The following FKBP8 variants were observed in gnomAD, a reference collection of about 807,000 sequenced individuals.
FKBP8 encodes the protein peptidyl-prolyl cis-trans isomerase FKBP8.
In FKBP8, 5 loss-of-function variants were observed where a neutral mutation model predicts 41.7. The observed-to-expected ratio is 0.12, with a 90% CI of 0.06 to 0.25. The LOEUF is 0.25. Ranked by LOEUF, FKBP8 falls within the 10% of genes least tolerant of loss-of-function variation. The pLI, the probability that FKBP8 is intolerant of heterozygous loss-of-function variation, is 1.00. For synonymous variants in FKBP8, 279 were observed against 254.5 expected (o/e 1.10, Z -0.92); for missense variants, 397 against 563.0 (o/e 0.71, Z 2.98).
At position 18,533,354 on chromosome 19, in the gene FKBP8, G is replaced by A. The variant is rs375205599; in HGVS notation, c.946-7C>T. On this transcript the variant is annotated splice_polypyrimidine_tract_variant and splice_region_variant and intron_variant, in intron 6 of 8. Transcript: ENST00000608443. ...CCCCCTGCTGGGCCAGCACCTGTAA[G>A]GGGAAGGGGGTGGCATCACTCTGGA... 8 of 1,598,118 alleles carry A rather than the reference G, an allele frequency of 5.0e-6. No homozygotes were observed. Among genetic ancestry groups the A allele is most frequent in the Non-Finnish European group, 6.8e-6 (8 of 1,171,626 alleles).
intron 6 of FKBP8, among the ~76,000 whole-genome samples, chr19:18,536,650 T>C (rs1338150099): frequency 6.6e-6 from 1 of 152,198 alleles, no homozygotes; most frequent in South Asian, 2.1e-4. Context: ...GAATGAGCCA[T>C]TGTGCCTGGC....
intron 6 of FKBP8, among the ~76,000 whole-genome samples, chr19:18,534,650 T>A (rs1976529538): frequency 6.6e-6 from 1 of 151,822 alleles, no homozygotes; most frequent in African/African-American, 2.4e-5. Context: ...GGCATGATCA[T>A]AGCTCACTGC....
chr19:18,533,323 T>C lies in FKBP8; in HGVS notation c.970A>G (p.Ser324Gly), dbSNP rs1255115965. 1 of 1,606,634 alleles carries C rather than the reference T, an allele frequency of 6.2e-7. No homozygotes were observed. Among genetic ancestry groups the C allele is most frequent in the Non-Finnish European group, 8.5e-7 (1 of 1,176,776 alleles). The change falls in exon 7 of 9, where the codon AGT becomes GGT. Residue 324 changes from serine (S) to glycine (G), a missense_variant. Physicochemically the swap from Ser to Gly is moderately conservative, Grantham distance 56. Transcript: ENST00000608443. The stretch of plus-strand genomic sequence containing the variant: ...GCCCTCAGGATGGGGATGGCCTCAC[T>C]GTACTCCCCCTGCTGGGCCAGCACC... ...GKVLAQQGEY[S>G]EAIPILRAAL...
At chr19:18,534,686 A>C (rs1361690197) in intron 6 of FKBP8, among the ~76,000 whole-genome samples, 1 of 151,530 alleles carries the variant, frequency 6.6e-6, no homozygotes, top group Non-Finnish European at 1.5e-5. Context: ...GGCTCACACA[A>C]TCCTCCAGCC....
chr19:18,532,583 G>C, intron 8 of FKBP8, 81 bp downstream of exon 8: 3 of 1,559,702 alleles, frequency 1.9e-6, no homozygotes, highest in Non-Finnish European at 2.6e-6. Context: ...AGTCTCCGAG[G>C]ACATCCATGT....
rs904731949 is a variant in FKBP8 at position 18,532,064 on chromosome 19, G to C, written c.*105C>G. On this transcript the variant is annotated 3_prime_UTR_variant, in exon 9 of 9. Transcript: ENST00000608443. ...CCAATCCTTGCTCCCCTAACCCGGA[G>C]GAGGGGGCCAGACCAGGGAGGGCAG... The C allele has an allele frequency of 9.9e-6, 10 of 1,013,312 alleles. No individual in the cohort carries two copies. The African/African-American group carries it at 1.4e-4, about 15-fold the overall frequency. The allele number at this position is 1,013,312 out of a possible 1,614,324, so 62.8% of individuals were successfully genotyped here.
intron 2 of FKBP8, among the ~76,000 whole-genome samples, chr19:18,540,426 C>A (rs938142948): frequency 4.6e-5 from 7 of 151,086 alleles, no homozygotes; most frequent in African/African-American, 1.5e-4. Flanking sequence ...CATAGTGAGA[C>A]CCCATCTCTA....
In FKBP8 at chr19:18,537,547, C is replaced by T. The variant is rs768589916; in HGVS notation, c.945+54G>A. 1.3e-5 allele frequency: 19 copies of T among 1,496,196 alleles called. No homozygotes were observed. Among genetic ancestry groups the T allele is most frequent in the Non-Finnish European group, 1.7e-5 (19 of 1,118,762 alleles). 92.7% of individuals were successfully genotyped at this position (1,496,196 alleles called of 1,614,324 possible). On this transcript the variant is annotated intron_variant, in intron 6 of 8. Coordinates refer to ENST00000608443, the MANE Select transcript of FKBP8 (RefSeq NM_012181.5). This position sits in a 1 kb window ranked among gnomAD's most constrained non-coding sequence, Gnocchi z 4.4. ...CTTTCTCAAATGCAGGGTTGGGGACCACCCCGTATACCCCAGGCTGAGTGA... is the reference window on the plus strand; with the variant it reads ...CTTTCTCAAATGCAGGGTTGGGGACTACCCCGTATACCCCAGGCTGAGTGA...
chr19:18,541,972 C>T lies in FKBP8; in HGVS notation c.-2G>A. On this transcript the variant is annotated 5_prime_UTR_variant, in exon 2 of 9. Coordinates refer to ENST00000608443, the MANE Select transcript of FKBP8 (RefSeq NM_012181.5). ...AGAGGGTTCAGCACACGATGCCATG[C>T]TGCTGGGGGGACAGGAATTGGCCCT... 1 of 1,612,092 alleles carries T rather than the reference C, an allele frequency of 6.2e-7. No homozygotes were observed. The highest frequency in any genetic ancestry group is 2.2e-5 in the East Asian group (1 of 44,816).
chr19:18,542,564 C>T (rs1976729625), intron 1 of FKBP8: 1 of 196,246 alleles, frequency 5.1e-6, no homozygotes, highest in Non-Finnish European at 1.1e-5. Context: ...TCCCCAAAAG[C>T]ACCAACTGTA....
Position 18,539,643 on chromosome 19 carries a change from T to C in FKBP8, c.370A>G (p.Thr124Ala). 6.2e-7 allele frequency: 1 copy of C among 1,612,624 alleles called. No individual in the cohort carries two copies. Among genetic ancestry groups the C allele is most frequent in the Non-Finnish European group, 8.5e-7 (1 of 1,180,026 alleles). ...TCCAGCGACGTCTGCAGATGTACGG[T>C]GACCACCTGGCCCTTGACCGGGCGG... The part of the protein sequence containing the change: ...SSRPVKGQVV[T>A]VHLQTSLENG... Residue 124 changes from threonine to alanine, a missense_variant, in exon 3 of 9, where the codon ACC becomes GCC. Transcript: ENST00000608443.
chr19:18,543,107 A>C (rs1401691812), intron 1 of FKBP8: 6 of 199,050 alleles, frequency 3.0e-5, no homozygotes, highest in African/African-American at 1.1e-4. Flanking sequence ...ATAACACCCC[A>C]CGCTCTCCTG....
chr19:18,541,186 G>A (rs1199700739), intron 2 of FKBP8, among the ~76,000 whole-genome samples: 1 of 152,132 alleles, frequency 6.6e-6, no homozygotes, highest in Non-Finnish European at 1.5e-5. Flanking sequence ...ATTGCTCTGA[G>A]CATTTACAAT....
chr19:18,535,679 G>A (rs559306776), intron 6 of FKBP8, among the ~76,000 whole-genome samples: 28 of 149,360 alleles, frequency 1.9e-4, no homozygotes, highest in Admixed American at 1.7e-3. Flanking sequence ...AGCCAAGATC[G>A]TGCCACTGCA....
At chr19:18,542,400 T>C (rs1976724247) in intron 1 of FKBP8, 1 of 189,336 alleles carries the variant, frequency 5.3e-6, no homozygotes, top group Non-Finnish European at 1.1e-5. Context: ...CTTTGCCTGA[T>C]TATAAGCTGA....
Position 18,533,354 on chromosome 19 carries a change from G to T in FKBP8, c.946-7C>A. The T allele has an allele frequency of 6.3e-7, 1 of 1,598,236 alleles. No individual in the cohort carries two copies. The highest frequency in any genetic ancestry group is 8.5e-7 in the Non-Finnish European group (1 of 1,171,618). Reference sequence around the variant, plus strand: ...CCCCCTGCTGGGCCAGCACCTGTAAGGGGAAGGGGGTGGCATCACTCTGGA... The same window carrying T: ...CCCCCTGCTGGGCCAGCACCTGTAATGGGAAGGGGGTGGCATCACTCTGGA... On this transcript the variant is annotated splice_polypyrimidine_tract_variant and splice_region_variant and intron_variant, in intron 6 of 8. Coordinates refer to ENST00000608443, the MANE Select transcript of FKBP8 (RefSeq NM_012181.5).
At chr19:18,539,315 A>G in intron 4 of FKBP8, 56 bp downstream of exon 4, 1 of 1,467,656 alleles carries the variant, frequency 6.8e-7, no homozygotes, top group Non-Finnish European at 9.4e-7. Flanking sequence ...GGGTACACCC[A>G]CTCCACCCAT....
chr19:18,540,500 G>A (rs1318721191), intron 2 of FKBP8, among the ~76,000 whole-genome samples: 1 of 152,116 alleles, frequency 6.6e-6, no homozygotes, highest in Non-Finnish European at 1.5e-5. Context: ...TTGGAAGGCT[G>A]AGGCAGGAGG....
At chr19:18,543,315 C>G (rs1412961529) in intron 1 of FKBP8, 171 bp downstream of exon 1, 1 of 123,412 alleles carries the variant, frequency 8.1e-6, no homozygotes, top group Non-Finnish European at 1.8e-5. Context: ...CACCCCCGCC[C>G]GGCCGCGCCC....
Sources: allele counts gnomAD v4.1 joint callset (sites outside exome capture counted in the v4.1 genomes callset), GRCh38; gene constraint gnomAD v4.1.1; non-coding constraint Gnocchi (gnomAD v3.1); transcripts MANE v1.5; gene names NCBI Gene and HGNC (gene_info 2026-07-23, HGNC 2026-07-21).